ZBP1: variants seen among roughly 807,000 people sequenced by gnomAD.
ZBP1 encodes Z-DNA binding protein 1.
ZBP1 carries 42 observed loss-of-function variants against 41.1 expected under a neutral mutation model. The observed-to-expected ratio is 1.02, with a 90% confidence interval of 0.80 to 1.32. The LOEUF (loss-of-function observed/expected upper bound fraction) is 1.32, where lower values mean the gene tolerates loss of function less well. Among genes scored for constraint, ZBP1 ranks in the 40% most tolerant of loss-of-function variants. The pLI, the probability that ZBP1 is intolerant of heterozygous loss-of-function variation, is 0.00. For missense variants in ZBP1, 562 were observed against 549.7 expected (o/e 1.02, Z -0.22); for synonymous variants, 214 against 205.2 (o/e 1.04, Z -0.37).
At chr20:57,605,216 C>T (rs1193401609) in intron 7 of ZBP1, among the ~76,000 whole-genome samples, 2 of 152,216 alleles carry the variant, frequency 1.3e-5, no homozygotes, top group Non-Finnish European at 2.9e-5. Flanking sequence ...AGGCAGACCT[C>T]ATTTTATCTC....
chr20:57,610,160 C>G lies in ZBP1; in HGVS notation c.1082G>C (p.Gly361Ala). The G allele has an allele frequency of 1.9e-6, 3 of 1,613,850 alleles. No individual in the cohort carries two copies. The highest frequency in any genetic ancestry group is 2.5e-6 in the Non-Finnish European group (3 of 1,179,982). ...GVAGSGEGEP[G>A]EDAGRRPADT... is the part of the protein sequence containing the mutation. ...GCCCCCTAGCTCACCTGCGTCCTCC[C>G]CTGGCTCCCCCTCTCCAGACCCTGC... Residue 361 changes from glycine (G) to alanine (A), a missense_variant, in exon 7 of 8, where the codon GGG becomes GCG. Transcript: ENST00000371173. This position sits in a 1 kb window ranked among gnomAD's most constrained non-coding sequence, Gnocchi z 5.5.
At chr20:57,614,823 A>G in intron 4 of ZBP1, 64 bp downstream of exon 4, 1 of 1,592,658 alleles carries the variant, frequency 6.3e-7, no homozygotes, top group Non-Finnish European at 8.6e-7. Context: ...AGCACCCAGC[A>G]AAGACCAAGC....
chr20:57,610,591 T>C lies in ZBP1; in HGVS notation c.875-224A>G. 1.7e-6 allele frequency: 1 copy of C among 593,976 alleles called. No homozygotes were observed. The highest frequency in any genetic ancestry group is 3.0e-6 in the Non-Finnish European group (1 of 333,494). 36.8% of individuals were successfully genotyped at this position (593,976 alleles called of 1,614,324 possible). A position where few individuals can be genotyped will look rare whatever the true frequency, so the allele number is the denominator to read the frequency against. On this transcript the variant is annotated intron_variant, in intron 6 of 7. Transcript: ENST00000371173. This position sits in a 1 kb window ranked among gnomAD's most constrained non-coding sequence, Gnocchi z 5.5. ...TCTTTCTGCTCCACTGATCCCGCAG[T>C]GGGTCTGCCCCACTGATCCCGCCCG... is the stretch of plus-strand genomic sequence containing the variant.
intron 7 of ZBP1, among the ~76,000 whole-genome samples, chr20:57,608,974 C>CT (rs148727045): frequency 0.017 from 2,597 of 152,332 alleles, 71 homozygotes; most frequent in African/African-American, 0.059. Flanking sequence ...CCTTCTAATT[C>CT]TTTTTTCACA....
At chr20:57,611,011 C>T (rs1198510256) in intron 6 of ZBP1, among the ~76,000 whole-genome samples, 1 of 152,194 alleles carries the variant, frequency 6.6e-6, no homozygotes, top group Non-Finnish European at 1.5e-5. Flanking sequence ...TCCCCCAGCC[C>T]ATCTCTGCAT....
Position 57,604,681 on chromosome 20 carries a change from G to A in ZBP1, c.1182C>T (p.Pro394=). 6.2e-7 allele frequency: 1 copy of A among 1,614,192 alleles called. No homozygotes were observed. Among genetic ancestry groups the A allele is most frequent in the Non-Finnish European group, 8.5e-7 (1 of 1,180,038 alleles). Residue 394 remains proline, a synonymous_variant, in exon 8 of 8, where the codon CCC becomes CCT. Transcript: ENST00000371173. The stretch of plus-strand genomic sequence containing the variant: ...TTCCAAGAGTCATAGTTTCCAGCTT[G>A]GGGGTGAGCTTCGAGTGGCTGGGAG... ...PITPSHSKLT[P]KLETMTLGNR...
Position 57,610,255 on chromosome 20 carries a change from G to A in ZBP1, c.987C>T (p.Leu329=), listed in dbSNP as rs550546884. The A allele has an allele frequency of 4.2e-5, 67 of 1,614,178 alleles. No individual in the cohort carries two copies. Among genetic ancestry groups the A allele is most frequent in the East Asian group, 8.9e-5 (4 of 44,882 alleles). Residue 329 remains leucine, a synonymous_variant, in exon 7 of 8, where the codon CTC becomes CTT. Coordinates refer to ENST00000371173, the MANE Select transcript of ZBP1 (RefSeq NM_030776.3). The surrounding 1 kb of genome is among the most constrained non-coding windows in gnomAD (Gnocchi z 5.5). ...AQRIHMKSCF[L]EDATIGNSNK... ...TGCTGTTGCCGATGGTGGCGTCCTC[G>A]AGAAAGCACGATTTCATGTGGATTC...
At chr20:57,608,805 C>T (rs923089801) in intron 7 of ZBP1, among the ~76,000 whole-genome samples, 5 of 152,206 alleles carry the variant, frequency 3.3e-5, no homozygotes, top group Non-Finnish European at 7.3e-5. Context: ...GTGAGGAGAC[C>T]CTCTGGACTT....
At chr20:57,607,056 C>T (rs774229714) in intron 7 of ZBP1, 2 of 1,299,150 alleles carry the variant, frequency 1.5e-6, no homozygotes, top group South Asian at 2.5e-5. Flanking sequence ...TCAACATTCA[C>T]TTCTTATTCT....
Position 57,613,127 on chromosome 20 carries a change from C to A in ZBP1, c.670+36G>T, listed in dbSNP as rs773254412. 2 of 1,613,510 alleles carry A rather than the reference C, an allele frequency of 1.2e-6. No individual in the cohort carries two copies. Among genetic ancestry groups the A allele is most frequent in the Admixed American group, 3.3e-5 (2 of 59,936 alleles). ...CCCAGAGGATCCGGTGGCTCCCCAC[C>A]GAGGTCCCCTCCCTGGGCTCTCTTG... On this transcript the variant is annotated intron_variant, in intron 5 of 7. Coordinates refer to ENST00000371173, the MANE Select transcript of ZBP1 (RefSeq NM_030776.3). The surrounding 1 kb of genome is among the most constrained non-coding windows in gnomAD (Gnocchi z 4.5).
intron 1 of ZBP1, chr20:57,617,231 G>C (rs73301336): frequency 0.032 from 4,921 of 154,808 alleles, 268 homozygotes; most frequent in African/African-American, 0.11. Flanking sequence ...GTGCTGGCCT[G>C]TCTGTGCTCC....
intron 1 of ZBP1, 94 bp downstream of exon 1, chr20:57,620,168 A>G: frequency 1.4e-6 from 2 of 1,443,976 alleles, no homozygotes; most frequent in Non-Finnish European, 1.9e-6. Flanking sequence ...TGCTATTGTC[A>G]TCATGATCTG....
rs2070609133 is a variant in ZBP1 at position 57,610,021 on chromosome 20, G to T, written c.1093+128C>A. The T allele has an allele frequency of 9.4e-7, 1 of 1,062,150 alleles. No homozygotes were observed. The highest frequency in any genetic ancestry group is 1.4e-6 in the Non-Finnish European group (1 of 720,606). 65.8% of individuals were successfully genotyped at this position (1,062,150 alleles called of 1,614,324 possible). The stretch of plus-strand genomic sequence containing the variant: ...CTAGAGCTGCTGCTCCTCGCTGTGG[G>T]TGGGCACAGCCTCCAGACTCCGGGA... On this transcript the variant is annotated intron_variant, in intron 7 of 7. Coordinates refer to ENST00000371173, the MANE Select transcript of ZBP1 (RefSeq NM_030776.3). The surrounding 1 kb of genome is among the most constrained non-coding windows in gnomAD (Gnocchi z 5.5).
Position 57,616,417 on chromosome 20 carries a change from A to G in ZBP1, c.86T>C (p.Val29Ala). The G allele has an allele frequency of 6.2e-7, 1 of 1,613,930 alleles. No homozygotes were observed. Among genetic ancestry groups the G allele is most frequent in the Non-Finnish European group, 8.5e-7 (1 of 1,179,964 alleles). The change falls in exon 2 of 8, where the codon GTG (valine) becomes GCG (alanine). Residue 29 changes from valine to alanine, a missense_variant. By Grantham distance (64) the Val-to-Ala change is moderately conservative. Coordinates refer to ENST00000371173, the MANE Select transcript of ZBP1 (RefSeq NM_030776.3). ...TTCCTTCACCAGCTGGGCAAGTTTC[A>G]CCGGGGAGCCAGCCTCTGTCAGCAC... Reference protein sequence around the residue: ...LQVLTEAGSPVKLAQLVKECQ... With the variant: ...LQVLTEAGSPAKLAQLVKECQ...
At chr20:57,615,216 C>A (rs1369080615) in intron 3 of ZBP1, 156 bp from the exon 4 acceptor site, 2 of 836,666 alleles carry the variant, frequency 2.4e-6, no homozygotes, top group South Asian at 3.4e-5. Context: ...CATGACGCAC[C>A]GCAGAGGTGC....
chr20:57,615,909 G>T, intron 2 of ZBP1: 1 of 529,556 alleles, frequency 1.9e-6, no homozygotes, highest in Non-Finnish European at 3.3e-6. Context: ...GAAAAGGGGG[G>T]CTGGTGGGAC....
chr20:57,620,285 G>A lies in ZBP1; in HGVS notation c.11C>T (p.Ala4Val), dbSNP rs201431325. ...ACCTTCTCTGCCCGGGTCAGCAGGAGCCTGGGCCATGCTGACAGCAGCTGC... is the reference window on the plus strand; with the variant it reads ...ACCTTCTCTGCCCGGGTCAGCAGGAACCTGGGCCATGCTGACAGCAGCTGC... Reference protein sequence around the residue: MAQAPADPGREGHL... With the variant: MAQVPADPGREGHL... Residue 4 changes from alanine to valine, a missense_variant, in exon 1 of 8, where the codon GCT (alanine) becomes GTT (valine). Physicochemically the swap from Ala to Val is moderately conservative, Grantham distance 64. Transcript: ENST00000371173. 43 of 1,598,066 alleles carry A rather than the reference G, an allele frequency of 2.7e-5. No homozygotes were observed. The highest frequency in any genetic ancestry group is 2.6e-4 in the Admixed American group (15 of 57,968).
Position 57,613,289 on chromosome 20 carries a change from G to T in ZBP1, c.544C>A (p.Gln182Lys). Reference sequence around the variant, plus strand: ...CAGATCATGTTGATTGGATTGTGCTGGTAAATAATTGAGGCTGACTTTGCT... The same window carrying T: ...CAGATCATGTTGATTGGATTGTGCTTGTAAATAATTGAGGCTGACTTTGCT... ...RRAKSASIIY[Q>K]HNPINMICQN... The change falls in exon 5 of 8, where the codon CAG becomes AAG. Residue 182 changes from glutamine to lysine, a missense_variant. Gln to Lys is a moderately conservative substitution (Grantham distance 53). Coordinates refer to ENST00000371173, the MANE Select transcript of ZBP1 (RefSeq NM_030776.3). This position sits in a 1 kb window ranked among gnomAD's most constrained non-coding sequence, Gnocchi z 4.5. The T allele has an allele frequency of 9.3e-6, 15 of 1,614,188 alleles. No individual in the cohort carries two copies. The highest frequency in any genetic ancestry group is 1.7e-5 in the Admixed American group (1 of 60,034).
intron 4 of ZBP1, 75 bp downstream of exon 4, chr20:57,614,812 G>C: frequency 1.3e-6 from 2 of 1,573,968 alleles, no homozygotes; most frequent in Non-Finnish European, 1.7e-6. Context: ...CTGCTCAGCA[G>C]AGCACCCAGC....
Sources: gnomAD v4.1 joint callset for allele counts (sites outside exome capture counted in the v4.1 genomes callset) on GRCh38, gnomAD v4.1.1 for gene constraint, Gnocchi (gnomAD v3.1) non-coding constraint, MANE v1.5 for transcripts, NCBI Gene and HGNC (gene_info 2026-07-23, HGNC 2026-07-21) for gene names.